PRKACB: variants seen among roughly 807,000 people sequenced by gnomAD.
PRKACB encodes protein kinase cAMP-activated catalytic subunit beta.
A neutral mutation model predicts 51.4 loss-of-function variants in PRKACB; 16 were observed. The observed-to-expected ratio is 0.31, with a 90% CI of 0.21 to 0.47. PRKACB has a LOEUF of 0.47. PRKACB is among the 20% of genes least tolerant of loss of function. The pLI, the probability that PRKACB is intolerant of heterozygous loss-of-function variation, is 1.00. For missense variants in PRKACB, 309 were observed against 464.5 expected, an observed-to-expected ratio of 0.67 and a Z score of 3.08; for synonymous variants, 147 against 154.4, an observed-to-expected ratio of 0.95 and a Z score of 0.35.
At chr1:84,095,687 G>A (rs1170106214) in intron 1 of PRKACB, among the ~76,000 whole-genome samples, 1 of 151,686 alleles carries the variant, frequency 6.6e-6, no homozygotes, top group Non-Finnish European at 1.5e-5. Context: ...ATTTAAGACA[G>A]TTTTCAATAA....
chr1:84,109,752 A>G (rs1650064382), intron 1 of PRKACB, among the ~76,000 whole-genome samples: 1 of 151,792 alleles, frequency 6.6e-6, no homozygotes, highest in Non-Finnish European at 1.5e-5. Flanking sequence ...AAAGTTGAGC[A>G]TTATGTTTAT....
intron 5 of PRKACB, among the ~76,000 whole-genome samples, chr1:84,195,114 G>A (rs1375540907): frequency 6.6e-6 from 1 of 152,144 alleles, no homozygotes; most frequent in African/African-American, 2.4e-5. Flanking sequence ...CAGGTCAGAT[G>A]TTTCCCAGTT....
At position 84,120,497 on chromosome 1, in the gene PRKACB, T is replaced by G. The variant is rs147691204; in HGVS notation, c.46+42126T>G. Among the ~76,000 whole-genome samples the G allele has an allele frequency of 1.6e-3, 245 of 152,186 alleles. 1 individual carries two copies. The highest frequency in any genetic ancestry group is 1.8e-3 in the Non-Finnish European group (124 of 67,946). On this transcript the variant is annotated intron_variant, in intron 1 of 8. Coordinates refer to the PRKACB transcript ENST00000370688. ...CGCCTCAAAAAATACTGTATCAATA[T>G]TTTTGATATAAAGAACAATAATTGT...
intron 9 of PRKACB, among the ~76,000 whole-genome samples, chr1:84,233,198 T>G (rs908760345): frequency 2.0e-5 from 3 of 152,100 alleles, no homozygotes; most frequent in Non-Finnish European, 4.4e-5. Context: ...GATATGAGAT[T>G]CTGGGTTGAA....
intron 1 of PRKACB, among the ~76,000 whole-genome samples, chr1:84,134,087 A>G (rs1051535402): frequency 5.1e-4 from 77 of 152,288 alleles, no homozygotes; most frequent in Middle Eastern, 3.4e-3. Flanking sequence ...CTCTCTGGCT[A>G]GACTCTTCTC....
At chr1:84,177,215 A>G (rs1188262021) in intron 1 of PRKACB, among the ~76,000 whole-genome samples, 1 of 152,074 alleles carries the variant, frequency 6.6e-6, no homozygotes, top group African/African-American at 2.4e-5. Flanking sequence ...AACAAGGGGT[A>G]TATTTTGGGA....
chr1:84,086,806 C>T (rs1048480645), intron 1 of PRKACB, among the ~76,000 whole-genome samples: 2 of 152,166 alleles, frequency 1.3e-5, no homozygotes, highest in African/African-American at 2.4e-5. Flanking sequence ...GCTAGCCTCC[C>T]GGGCAGGGGG....
intron 1 of PRKACB, among the ~76,000 whole-genome samples, chr1:84,080,279 A>G (rs191763654): frequency 3.1e-4 from 47 of 152,298 alleles, no homozygotes; most frequent in Non-Finnish European, 4.6e-4. Context: ...TTAATTTGCA[A>G]CTCATAGCTG....
intron 9 of PRKACB, among the ~76,000 whole-genome samples, chr1:84,225,380 C>A (rs1674418453): frequency 6.6e-6 from 1 of 152,148 alleles, no homozygotes; most frequent in Non-Finnish European, 1.5e-5. Flanking sequence ...TGGCTTCCGG[C>A]CCCAGAAACA....
At chr1:84,097,257 A>G (rs1230493855) in intron 1 of PRKACB, among the ~76,000 whole-genome samples, 2 of 152,028 alleles carry the variant, frequency 1.3e-5, no homozygotes, top group African/African-American at 4.8e-5. Flanking sequence ...TTAGGTATAT[A>G]CCTATAAATG....
At chr1:84,164,583 C>T (rs957059620) in intron 1 of PRKACB, 16 of 1,370,012 alleles carry the variant, frequency 1.2e-5, no homozygotes, top group East Asian at 5.1e-5. Context: ...AGAAAAGCTA[C>T]GCCTTGGATA....
intron 1 of PRKACB, chr1:84,173,480 T>C: frequency 1.2e-6 from 1 of 812,844 alleles, no homozygotes; most frequent in Middle Eastern, 2.7e-4. Flanking sequence ...TTACTGAAAA[T>C]ATTTTTAGTG....
chr1:84,186,041 A>G (rs1664993036), intron 5 of PRKACB, among the ~76,000 whole-genome samples: 3 of 152,142 alleles, frequency 2.0e-5, no homozygotes, highest in Admixed American at 2.0e-4. Context: ...AACAAAGTTT[A>G]CTAGCACTAG....
intron 9 of PRKACB, among the ~76,000 whole-genome samples, chr1:84,221,203 A>G (rs539016232): frequency 5.9e-5 from 9 of 151,900 alleles, no homozygotes; most frequent in South Asian, 4.2e-4. Flanking sequence ...GAATTTATCT[A>G]TTTCCTCTAG....
chr1:84,168,122 A>T, intron 1 of PRKACB, among the ~76,000 whole-genome samples: 1 of 151,654 alleles, frequency 6.6e-6, no homozygotes, highest in East Asian at 1.9e-4. Context: ...AGAAGAAGAT[A>T]CAGGTATTAT....
chr1:84,131,196 A>G (rs1392514144), intron 1 of PRKACB, among the ~76,000 whole-genome samples: 4 of 152,134 alleles, frequency 2.6e-5, no homozygotes, highest in African/African-American at 9.7e-5. Flanking sequence ...CCTCTCTACT[A>G]AAAATACAAA....
chr1:84,199,824 G>T (rs569582383), intron 7 of PRKACB, among the ~76,000 whole-genome samples: 6 of 142,998 alleles, frequency 4.2e-5, no homozygotes, highest in South Asian at 2.3e-4. Context: ...GTTATTTTTT[G>T]ACTATTTGTT....
intron 1 of PRKACB, among the ~76,000 whole-genome samples, chr1:84,132,458 C>T (rs1416341182): frequency 1.3e-5 from 2 of 152,026 alleles, no homozygotes; most frequent in African/African-American, 4.8e-5. Context: ...TTACTCAATG[C>T]AACATGGTGA....
At chr1:84,214,433 C>G (rs1374297145) in intron 9 of PRKACB, 116 bp downstream of exon 9, 1 of 998,678 alleles carries the variant, frequency 1.0e-6, no homozygotes, top group African/African-American at 1.7e-5. Context: ...TTGAATTAAT[C>G]TTGTGCAGGA....
Sources: allele counts gnomAD v4.1 joint callset (sites outside exome capture counted in the v4.1 genomes callset), GRCh38; gene constraint gnomAD v4.1.1; transcripts MANE v1.5; gene names NCBI Gene and HGNC (gene_info 2026-07-23, HGNC 2026-07-21).